HTATIP2: variants seen among roughly 807,000 people sequenced by gnomAD.
HTATIP2 encodes HIV-1 Tat interactive protein 2.
In HTATIP2, 26 loss-of-function variants were observed where a neutral mutation model predicts 24.7. That is an observed-to-expected ratio of 1.05 (90% CI 0.77 to 1.46). The LOEUF is 1.46. Ranked by LOEUF, HTATIP2 falls within the 40% of genes most tolerant of loss-of-function variation. HTATIP2 has a pLI of 0.00. For missense variants in HTATIP2, 284 were observed against 289.6 expected (o/e 0.98, Z 0.14); for synonymous variants, 99 against 113.2 (o/e 0.87, Z 0.79).
chr11:20,379,748 C>G (rs1848492497), intron 3 of HTATIP2, among the ~76,000 whole-genome samples: 1 of 152,164 alleles, frequency 6.6e-6, no homozygotes, highest in South Asian at 2.1e-4. Context: ...TGAAGGTATA[C>G]TTTCCAGACA....
At chr11:20,380,564 C>G (rs1010118422) in intron 3 of HTATIP2, among the ~76,000 whole-genome samples, 1 of 147,398 alleles carries the variant, frequency 6.8e-6, no homozygotes, top group African/African-American at 2.5e-5. Context: ...CCCAGCTGCT[C>G]GGGAGGCTGA....
At position 20,379,913 on chromosome 11, in the gene HTATIP2, C is replaced by T. The variant is rs186892752; in HGVS notation, c.442-2265C>T. 2.1e-3 allele frequency among the ~76,000 whole-genome samples: 317 copies of T among 152,254 alleles called. 1 individual carries two copies. The highest frequency in any genetic ancestry group is 7.2e-3 in the African/African-American group (301 of 41,542). ...TCATACTCACAGCTACAACTTATCG[C>T]ATTGAAAGGATATAGAGCAAAATCA... On this transcript the variant is annotated intron_variant, in intron 3 of 4. Transcript: ENST00000451739.
At chr11:20,379,057 AAACAAC>A (rs72394512) in intron 3 of HTATIP2, among the ~76,000 whole-genome samples, 28,613 of 151,372 alleles carry the variant, frequency 0.19, 3,017 homozygotes, top group Middle Eastern at 0.26. Context: ...AAAACAAAAC[AAACAAC>A]AACAACAACA....
At chr11:20,367,421 A>G in intron 2 of HTATIP2, 140 bp downstream of exon 2, 2 of 1,547,886 alleles carry the variant, frequency 1.3e-6, no homozygotes, top group Non-Finnish European at 8.7e-7. Context: ...TATATGCTGC[A>G]CTAACCTTTG....
intron 2 of HTATIP2, among the ~76,000 whole-genome samples, chr11:20,367,833 G>T (rs1425081989): frequency 2.0e-5 from 3 of 152,114 alleles, no homozygotes; most frequent in Non-Finnish European, 4.4e-5. Context: ...GTCTTTTAAC[G>T]CACATTTTAT....
chr11:20,366,813 C>T (rs1000587591), intron 1 of HTATIP2, among the ~76,000 whole-genome samples: 4 of 152,196 alleles, frequency 2.6e-5, no homozygotes, highest in Non-Finnish European at 5.9e-5. Flanking sequence ...AGATTTGCAG[C>T]TAGGTCTTCT....
intron 2 of HTATIP2, among the ~76,000 whole-genome samples, chr11:20,373,128 A>G (rs919832574): frequency 1.3e-5 from 2 of 152,174 alleles, no homozygotes; most frequent in Admixed American, 6.5e-5. Context: ...GAGAACAGCA[A>G]TGGAGAAAGG....
chr11:20,367,371 C>T (rs767918004), intron 2 of HTATIP2, 90 bp downstream of exon 2: 12 of 1,599,050 alleles, frequency 7.5e-6, no homozygotes, highest in Non-Finnish European at 9.4e-6. Context: ...GTGCCTGTTG[C>T]AATGCTTAAA....
rs1161760018 is a variant in HTATIP2 at position 20,363,987 on chromosome 11, G to A, written c.-251G>A. Reference sequence around the variant, plus strand: ...CCGGGGATACCGTGGGGTATGCCCAGTGATGCCAGCAGCTTGTGGCACCTG... The same window carrying A: ...CCGGGGATACCGTGGGGTATGCCCAATGATGCCAGCAGCTTGTGGCACCTG... On this transcript the variant is annotated 5_prime_UTR_variant, in exon 1 of 5. It adds an upstream start codon to the 5' untranslated region. Coordinates refer to ENST00000451739, the MANE Select transcript of HTATIP2 (RefSeq NM_001098522.2). 1.6e-6 allele frequency: 2 copies of A among 1,263,096 alleles called. No homozygotes were observed. The highest frequency in any genetic ancestry group is 3.2e-5 in the South Asian group (1 of 30,968). The allele number at this position is 1,263,096 out of a possible 1,614,324, so 78.2% of individuals were successfully genotyped here.
chr11:20,367,885 A>G (rs1280156178), intron 2 of HTATIP2, among the ~76,000 whole-genome samples: 1 of 152,212 alleles, frequency 6.6e-6, no homozygotes, highest in South Asian at 2.1e-4. Flanking sequence ...GCTCCTGTAC[A>G]GAAGTCATAG....
At chr11:20,368,539 G>A (rs2133266326) in intron 2 of HTATIP2, among the ~76,000 whole-genome samples, 1 of 152,338 alleles carries the variant, frequency 6.6e-6, no homozygotes, top group East Asian at 1.9e-4. Flanking sequence ...TCATGTTCCT[G>A]CTTAACAGTG....
intron 2 of HTATIP2, among the ~76,000 whole-genome samples, chr11:20,368,297 T>C (rs2064735055): frequency 6.6e-6 from 1 of 152,190 alleles, no homozygotes; most frequent in Non-Finnish European, 1.5e-5. Context: ...AGTGAAGAAC[T>C]ATTCATTTAT....
chr11:20,364,106 T>G lies in HTATIP2; in HGVS notation c.-132T>G, dbSNP rs1565180196. On this transcript the variant is annotated 5_prime_UTR_variant, in exon 1 of 5. Coordinates refer to ENST00000451739, the MANE Select transcript of HTATIP2 (RefSeq NM_001098522.2). Reference sequence around the variant, plus strand: ...CCGCGCCCCGCACGTGACTCAGCACTTTCCCCAGAGCCCGGACTGCGGAGA... The same window carrying G: ...CCGCGCCCCGCACGTGACTCAGCACGTTCCCCAGAGCCCGGACTGCGGAGA... The G allele has an allele frequency of 2.1e-6, 3 of 1,432,518 alleles. No individual in the cohort carries two copies. The highest frequency in any genetic ancestry group is 2.7e-6 in the Non-Finnish European group (3 of 1,091,746). 88.7% of individuals were successfully genotyped at this position (1,432,518 alleles called of 1,614,324 possible).
intron 3 of HTATIP2, 78 bp from the exon 4 acceptor site, chr11:20,382,100 C>T: frequency 1.1e-6 from 1 of 873,526 alleles, no homozygotes; most frequent in Non-Finnish European, 1.9e-6. Flanking sequence ...ATCTCAAAAC[C>T]ACAAATTATT....
chr11:20,366,973 A>G (rs2064715807), intron 1 of HTATIP2, among the ~76,000 whole-genome samples: 2 of 152,226 alleles, frequency 1.3e-5, no homozygotes, highest in Admixed American at 1.3e-4. Context: ...CCAGTTATAT[A>G]GACTGTGGAC....
At position 20,367,565 on chromosome 11, in the gene HTATIP2, A is replaced by G. The variant is rs1180245692; in HGVS notation, c.303+284A>G. On this transcript the variant is annotated intron_variant, in intron 2 of 4. Transcript: ENST00000451739. Reference sequence around the variant, plus strand: ...ATCGCTATCACTACATCCCCTGACTAAGGGAAACCATGATGTCTGAGTAAA... The same window carrying G: ...ATCGCTATCACTACATCCCCTGACTGAGGGAAACCATGATGTCTGAGTAAA... 3 of 1,402,006 alleles carry G rather than the reference A, an allele frequency of 2.1e-6. No homozygotes were observed. The Admixed American group carries it at 1.0e-4, about 47-fold the overall frequency. 86.8% of individuals were successfully genotyped at this position (1,402,006 alleles called of 1,614,324 possible).
intron 3 of HTATIP2, among the ~76,000 whole-genome samples, chr11:20,376,973 G>C (rs1165451523): frequency 6.6e-6 from 1 of 152,124 alleles, no homozygotes; most frequent in African/African-American, 2.4e-5. Context: ...TGTCAGCATG[G>C]CAGCTTAGCA....
chr11:20,376,555 T>A (rs928398593), intron 2 of HTATIP2, 25 bp from the exon 3 acceptor site: 28 of 1,613,168 alleles, frequency 1.7e-5, no homozygotes, highest in Non-Finnish European at 2.4e-5. Context: ...TTTTTGGAAA[T>A]AACTCATGTC....
chr11:20,368,260 T>C (rs2064734571), intron 2 of HTATIP2, among the ~76,000 whole-genome samples: 1 of 152,154 alleles, frequency 6.6e-6, no homozygotes, highest in Non-Finnish European at 1.5e-5. Flanking sequence ...GCCAGACCCC[T>C]TCACCTGAAA....
Sources: gnomAD v4.1 joint callset for allele counts (sites outside exome capture counted in the v4.1 genomes callset) on GRCh38, gnomAD v4.1.1 for gene constraint, MANE v1.5 for transcripts, NCBI Gene and HGNC (gene_info 2026-07-23, HGNC 2026-07-21) for gene names.